SPAG16: variants seen among roughly 807,000 people sequenced by gnomAD.
The protein encoded by SPAG16 is sperm associated antigen 16.
In SPAG16, 86 loss-of-function variants were observed where a neutral mutation model predicts 80.4. The ratio of observed to expected loss-of-function variants is 1.07; its 90% CI spans 0.90 to 1.28. The LOEUF (loss-of-function observed/expected upper bound fraction) is 1.28, where lower values mean the gene tolerates loss of function less well. Ranked by LOEUF, SPAG16 falls within the 50% of genes most tolerant of loss-of-function variation. SPAG16 has a pLI of 0.00. For missense variants in SPAG16, 870 were observed against 765.3 expected, an observed-to-expected ratio of 1.14 and a Z score of -1.61; for synonymous variants, 294 against 265.9, an observed-to-expected ratio of 1.11 and a Z score of -1.03.
intron 15 of SPAG16, among the ~76,000 whole-genome samples, chr2:214,345,125 G>C (rs1214187953): frequency 1.3e-5 from 2 of 152,036 alleles, no homozygotes; most frequent in Admixed American, 6.6e-5. Context: ...TACTGAACCC[G>C]GTATCCCAGA....
chr2:213,927,862 G>T (rs763890766), intron 11 of SPAG16, among the ~76,000 whole-genome samples: 2 of 152,168 alleles, frequency 1.3e-5, no homozygotes, highest in Non-Finnish European at 2.9e-5. Context: ...TGGAAAGATA[G>T]ATTTGAGAAA....
At chr2:213,638,250 G>C (rs966801908) in intron 10 of SPAG16, among the ~76,000 whole-genome samples, 3 of 151,754 alleles carry the variant, frequency 2.0e-5, no homozygotes, top group Non-Finnish European at 4.4e-5. Context: ...TTTTAGTTCT[G>C]CTCTGATCTC....
chr2:213,673,731 C>A (rs1288001482), intron 10 of SPAG16, among the ~76,000 whole-genome samples: 1 of 152,002 alleles, frequency 6.6e-6, no homozygotes, highest in African/African-American at 2.4e-5. Context: ...TTACTTTATA[C>A]ATTTTATTAT....
intron 10 of SPAG16, among the ~76,000 whole-genome samples, chr2:213,672,469 C>T (rs1574740698): frequency 1.3e-5 from 2 of 152,134 alleles, no homozygotes; most frequent in Admixed American, 1.3e-4. Context: ...AAAGGAAGAA[C>T]CTCTGGAACT....
chr2:214,035,663 G>A (rs974310597), intron 13 of SPAG16, among the ~76,000 whole-genome samples: 1 of 152,196 alleles, frequency 6.6e-6, no homozygotes. Context: ...TGAGCCCCTG[G>A]GGGCGGGGGT....
intron 10 of SPAG16, among the ~76,000 whole-genome samples, chr2:213,846,290 T>C (rs2074622265): frequency 6.6e-6 from 1 of 152,000 alleles, no homozygotes; most frequent in Non-Finnish European, 1.5e-5. Context: ...AGTACATACA[T>C]AAGTATAAAT....
intron 10 of SPAG16, among the ~76,000 whole-genome samples, chr2:213,646,048 G>C (rs951467647): frequency 2.0e-5 from 3 of 152,154 alleles, no homozygotes; most frequent in Non-Finnish European, 4.4e-5. Context: ...ACTGAGTTTA[G>C]TGCCTCACAA....
At chr2:213,631,098 G>A (rs550755284) in intron 10 of SPAG16, among the ~76,000 whole-genome samples, 2 of 152,118 alleles carry the variant, frequency 1.3e-5, no homozygotes, top group South Asian at 4.2e-4. Context: ...AAATGACAAG[G>A]CCCAAAGTAG....
At chr2:213,448,080 C>G (rs148268626) in intron 9 of SPAG16, among the ~76,000 whole-genome samples, 9 of 152,322 alleles carry the variant, frequency 5.9e-5, no homozygotes, top group Non-Finnish European at 1.3e-4. Context: ...CAGGCCAATT[C>G]CACCCAAATG....
intron 10 of SPAG16, among the ~76,000 whole-genome samples, chr2:213,773,476 C>T (rs538867650): frequency 2.6e-5 from 4 of 152,224 alleles, no homozygotes; most frequent in Admixed American, 6.5e-5. Flanking sequence ...CATCAGATGA[C>T]GTTTGCTCAT....
rs536804678 is a variant in SPAG16 at position 213,529,914 on chromosome 2, A to G, written c.1070+39824A>G. On this transcript the variant is annotated intron_variant, in intron 10 of 15. Coordinates refer to ENST00000331683, the MANE Select transcript of SPAG16 (RefSeq NM_024532.5). ...AGTTTTTTGAAAGTTTTTGTTAAAA[A>G]GTAAGACTCAAATACACACATTAGC... is the stretch of plus-strand genomic sequence containing the variant. Among the ~76,000 whole-genome samples, 8 of 152,328 alleles carry G rather than the reference A, an allele frequency of 5.3e-5. No homozygotes were observed. In the East Asian group the frequency reaches 1.5e-3, roughly 29 times the overall value.
At chr2:213,599,556 C>A (rs1032090582) in intron 10 of SPAG16, among the ~76,000 whole-genome samples, 5 of 152,124 alleles carry the variant, frequency 3.3e-5, no homozygotes, top group Admixed American at 2.6e-4. Context: ...ATAACATTTT[C>A]TTTTCTATAG....
chr2:213,732,088 TG>T (rs775669123), intron 10 of SPAG16, among the ~76,000 whole-genome samples: 3 of 152,202 alleles, frequency 2.0e-5, no homozygotes, highest in Non-Finnish European at 4.4e-5. Flanking sequence ...AGTTGATTTT[TG>T]TTGATGGTGT....
intron 15 of SPAG16, among the ~76,000 whole-genome samples, chr2:214,303,233 G>A (rs927111899): frequency 1.3e-5 from 2 of 152,140 alleles, no homozygotes; most frequent in Non-Finnish European, 2.9e-5. Context: ...AGATTTGTAC[G>A]TACATGTGTT....
At chr2:213,598,900 A>G (rs2060968396) in intron 10 of SPAG16, among the ~76,000 whole-genome samples, 2 of 152,156 alleles carry the variant, frequency 1.3e-5, no homozygotes. Flanking sequence ...CTCTGTGGAC[A>G]ACCTAGTTAC....
chr2:214,382,898 G>A (rs781712617), intron 15 of SPAG16, among the ~76,000 whole-genome samples: 3 of 152,038 alleles, frequency 2.0e-5, no homozygotes, highest in Non-Finnish European at 4.4e-5. Flanking sequence ...TTGCTGAAGC[G>A]TTTCATAAAG....
chr2:214,205,842 TTG>T (rs2058128866), intron 15 of SPAG16, among the ~76,000 whole-genome samples: 1 of 152,136 alleles, frequency 6.6e-6, no homozygotes, highest in Admixed American at 6.6e-5. Flanking sequence ...ATGCTTATTT[TTG>T]TGTGTGTTGG....
At chr2:213,938,208 C>T (rs2079064169) in intron 12 of SPAG16, among the ~76,000 whole-genome samples, 1 of 151,956 alleles carries the variant, frequency 6.6e-6, no homozygotes, top group South Asian at 2.1e-4. Context: ...TTCTCCAACT[C>T]TGCACAAAAT....
At chr2:214,179,324 G>T (rs959415464) in intron 15 of SPAG16, among the ~76,000 whole-genome samples, 1 of 150,818 alleles carries the variant, frequency 6.6e-6, no homozygotes, top group Non-Finnish European at 1.5e-5. Context: ...GTAAGCATAC[G>T]AAATGGGCAA....
Sources: gnomAD v4.1 joint callset for allele counts (sites outside exome capture counted in the v4.1 genomes callset) on GRCh38, gnomAD v4.1.1 for gene constraint, MANE v1.5 for transcripts, NCBI Gene and HGNC (gene_info 2026-07-23, HGNC 2026-07-21) for gene names.